Variants in SOX17 observed in about 807,000 individuals in gnomAD.
SOX17 encodes the protein transcription factor SOX-17.
SOX17 carries 4 observed loss-of-function variants against 16.0 expected under a neutral mutation model. The ratio of observed to expected loss-of-function variants is 0.25; its 90% CI spans 0.12 to 0.57. The LOEUF (loss-of-function observed/expected upper bound fraction) is 0.57. Among genes scored for constraint, SOX17 ranks in the 20% least tolerant of loss-of-function variants. SOX17 has a pLI of 0.92. For synonymous variants in SOX17, 357 were observed against 284.6 expected, an observed-to-expected ratio of 1.25 and a Z score of -2.56; for missense variants, 633 against 609.7, an observed-to-expected ratio of 1.04 and a Z score of -0.40.
In SOX17 at chr8:54,459,888, CA is replaced by C; in HGVS notation, c.1139del (p.Gln380ArgfsTer7). 1 of 1,613,928 alleles carries C rather than the reference CA, an allele frequency of 6.2e-7. No individual in the cohort carries two copies. The highest frequency in any genetic ancestry group is 8.5e-7 in the Non-Finnish European group (1 of 1,180,042). On this transcript the variant is annotated frameshift_variant, in exon 2 of 2. Transcript: ENST00000297316. LOFTEE classifies it high-confidence loss of function. ...CAAGCCTGAGATGGGCCTCCCCTAC[CA>C]GGGGCATGACTCCGGTGTGAATCTC... ...VCKPEMGLPY[Q>X]GHDSGVNLPD...
In SOX17 at chr8:54,460,659, G is replaced by T. The variant is rs908925179; in HGVS notation, c.*664G>T. On this transcript the variant is annotated 3_prime_UTR_variant, in exon 2 of 2. Coordinates refer to ENST00000297316, the MANE Select transcript of SOX17 (RefSeq NM_022454.4). ...TTCCAGTATATCACTTTAAGTAGAA[G>T]GGGATGTCCAAGTAATTTTGGTTTT... 8 of 230,698 alleles carry T rather than the reference G, an allele frequency of 3.5e-5. No individual in the cohort carries two copies. Among genetic ancestry groups the T allele is most frequent in the African/African-American group, 1.8e-4 (8 of 45,184 alleles). The allele number at this position is 230,698 out of a possible 1,614,324, so 14.3% of individuals were successfully genotyped here. A position where few individuals can be genotyped will look rare whatever the true frequency, so the allele number is the denominator to read the frequency against.
chr8:54,460,670 A>G lies in SOX17; in HGVS notation c.*675A>G, dbSNP rs1804728709. ...CACTTTAAGTAGAAGGGGATGTCCAAGTAATTTTGGTTTTCTAACTGTTGA... is the reference window on the plus strand; with the variant it reads ...CACTTTAAGTAGAAGGGGATGTCCAGGTAATTTTGGTTTTCTAACTGTTGA... On this transcript the variant is annotated 3_prime_UTR_variant, in exon 2 of 2. Transcript: ENST00000297316. 1 of 230,036 alleles carries G rather than the reference A, an allele frequency of 4.3e-6. No homozygotes were observed. The highest frequency in any genetic ancestry group is 1.8e-4 in the South Asian group (1 of 5,520). 14.2% of individuals were successfully genotyped at this position (230,036 alleles called of 1,614,324 possible).
In SOX17 at chr8:54,459,468, C is replaced by A; in HGVS notation, c.718C>A (p.Pro240Thr). 1 of 1,522,808 alleles carries A rather than the reference C, an allele frequency of 6.6e-7. No individual in the cohort carries two copies. The highest frequency in any genetic ancestry group is 8.8e-7 in the Non-Finnish European group (1 of 1,141,926). The allele number at this position is 1,522,808 out of a possible 1,614,324, so 94.3% of individuals were successfully genotyped here. ...VDPDPAFFAA[P>T]MPGDCPAAGT... The stretch of plus-strand genomic sequence containing the variant: ...CCCCGACCCGGCTTTCTTCGCCGCC[C>A]CGATGCCCGGGGACTGCCCGGCGGC... Residue 240 changes from proline (P) to threonine (T), a missense_variant, in exon 2 of 2, where the codon CCG becomes ACG. Pro to Thr is a conservative substitution (Grantham distance 38). Coordinates refer to ENST00000297316, the MANE Select transcript of SOX17 (RefSeq NM_022454.4).
chr8:54,458,076 C>A lies in SOX17; in HGVS notation c.-63C>A, dbSNP rs543674178. 33 of 1,424,202 alleles carry A rather than the reference C, an allele frequency of 2.3e-5. No individual in the cohort carries two copies. The African/African-American group carries it at 4.5e-4, about 19-fold the overall frequency. 88.2% of individuals were successfully genotyped at this position (1,424,202 alleles called of 1,614,324 possible). A position where few individuals can be genotyped will look rare whatever the true frequency, so the allele number is the denominator to read the frequency against. On this transcript the variant is annotated 5_prime_UTR_variant, in exon 1 of 2. Coordinates refer to ENST00000297316, the MANE Select transcript of SOX17 (RefSeq NM_022454.4). ...GTGCCTCACTCCCCACCCCCTCCCC[C>A]GGGTCGGGGGAGGCGGCGCGTCCGG... is the stretch of plus-strand genomic sequence containing the variant.
rs775435344 is a variant in SOX17, at chr8:54,459,432, G to T, written c.682G>T (p.Asp228Tyr). The change falls in exon 2 of 2, where the codon GAC (aspartate) becomes TAC (tyrosine). Residue 228 changes from aspartate to tyrosine, a missense_variant. Physicochemically the swap from Asp to Tyr is radical, Grantham distance 160 (BLOSUM62 -3). Around this residue, in one of 5 missense-constraint regions of SOX17, gnomAD observed 479 missense variants for 397.2 expected, o/e 1.21. Transcript: ENST00000297316. ...GCCCACGCCCGACACGTCCCCGCTG[G>T]ACGGCGTGGACCCCGACCCGGCTTT... ...PLPTPDTSPL[D>Y]GVDPDPAFFA... The T allele has an allele frequency of 1.3e-6, 2 of 1,528,876 alleles. No individual in the cohort carries two copies. Among genetic ancestry groups the T allele is most frequent in the Non-Finnish European group, 1.7e-6 (2 of 1,146,090 alleles). 94.7% of individuals were successfully genotyped at this position (1,528,876 alleles called of 1,614,324 possible).
Position 54,460,010 on chromosome 8 carries a change from G to T in SOX17, c.*15G>T. 3 of 1,612,934 alleles carry T rather than the reference G, an allele frequency of 1.9e-6. No individual in the cohort carries two copies. The highest frequency in any genetic ancestry group is 2.2e-5 in the East Asian group (1 of 44,884). On this transcript the variant is annotated 3_prime_UTR_variant, in exon 2 of 2. Transcript: ENST00000297316. ...CTGACGTGTGACAGGTCCCTGATCCGCCCCAGCCTGCAGGCCAGAAGCAGT... is the reference window on the plus strand; with the variant it reads ...CTGACGTGTGACAGGTCCCTGATCCTCCCCAGCCTGCAGGCCAGAAGCAGT...
Position 54,460,571 on chromosome 8 carries a change from C to G in SOX17, c.*576C>G. ...TGTTTCAGGAAGGAAAAAAGAAAAG[C>G]ATTCTGGAATGAGCCTACTTCAAGT... On this transcript the variant is annotated 3_prime_UTR_variant, in exon 2 of 2. Coordinates refer to ENST00000297316, the MANE Select transcript of SOX17 (RefSeq NM_022454.4). 4.3e-6 allele frequency: 1 copy of G among 234,514 alleles called. No individual in the cohort carries two copies. The highest frequency in any genetic ancestry group is 8.4e-6 in the Non-Finnish European group (1 of 119,060). The allele number at this position is 234,514 out of a possible 1,614,324, so 14.5% of individuals were successfully genotyped here.
In SOX17 at chr8:54,457,993, C is replaced by T. The variant is rs1325037833; in HGVS notation, c.-146C>T. The stretch of plus-strand genomic sequence containing the variant: ...ACGCTGTAGACCAGACCGCGACAGG[C>T]CAGAACACGGGCGGCGGCTTCGGGC... On this transcript the variant is annotated 5_prime_UTR_variant, in exon 1 of 2. Transcript: ENST00000297316. 1 of 1,006,192 alleles carries T rather than the reference C, an allele frequency of 9.9e-7. No individual in the cohort carries two copies. The highest frequency in any genetic ancestry group is 1.4e-6 in the Non-Finnish European group (1 of 725,930). The allele number at this position is 1,006,192 out of a possible 1,614,324, so 62.3% of individuals were successfully genotyped here. A position where few individuals can be genotyped will look rare whatever the true frequency, so the allele number is the denominator to read the frequency against.
rs542842469 is a variant in SOX17 at position 54,459,044 on chromosome 8, C to T, written c.308-14C>T. On this transcript the variant is annotated splice_polypyrimidine_tract_variant and intron_variant, in intron 1 of 1. Coordinates refer to ENST00000297316, the MANE Select transcript of SOX17 (RefSeq NM_022454.4). Reference sequence around the variant, plus strand: ...AAGCCCTGCGCCCCTCTCCCCCTTCCTTCCACTGTGCAGGCAAGTCGTGGA... The same window carrying T: ...AAGCCCTGCGCCCCTCTCCCCCTTCTTTCCACTGTGCAGGCAAGTCGTGGA... 10 of 1,590,922 alleles carry T rather than the reference C, an allele frequency of 6.3e-6. No individual in the cohort carries two copies. In the East Asian group the frequency reaches 7.0e-5, roughly 11 times the overall value.
intron 1 of SOX17, 28 bp from the exon 2 acceptor site, chr8:54,459,030 C>T (rs1804685858): frequency 1.3e-6 from 2 of 1,563,030 alleles, no homozygotes; most frequent in Non-Finnish European, 1.7e-6. Flanking sequence ...AGCCCTGCGC[C>T]CCTCTCCCCC....
At position 54,458,403 on chromosome 8, in the gene SOX17, C is replaced by G; in HGVS notation, c.265C>G (p.Gln89Glu). The change falls in exon 1 of 2, where the codon CAG becomes GAG. Residue 89 changes from glutamine to glutamate, a missense_variant. Transcript: ENST00000297316. Reference sequence around the variant, plus strand: ...GGACGAGCGCAAGCGGCTGGCGCAGCAGAATCCAGACCTGCACAACGCCGA... The same window carrying G: ...GGACGAGCGCAAGCGGCTGGCGCAGGAGAATCCAGACCTGCACAACGCCGA... The part of the protein sequence containing the change: ...AKDERKRLAQ[Q>E]NPDLHNAELS... 1 of 1,612,776 alleles carries G rather than the reference C, an allele frequency of 6.2e-7. No homozygotes were observed. Among genetic ancestry groups the G allele is most frequent in the Non-Finnish European group, 8.5e-7 (1 of 1,179,912 alleles).
chr8:54,458,454 G>T lies in SOX17; in HGVS notation c.307+9G>T. On this transcript the variant is annotated intron_variant, in intron 1 of 1. Transcript: ENST00000297316. Reference sequence around the variant, plus strand: ...GTTGAGCAAGATGCTGGGTGAGTCCGAGTCGCAGACCCAGGCGGCCGGGCG... The same window carrying T: ...GTTGAGCAAGATGCTGGGTGAGTCCTAGTCGCAGACCCAGGCGGCCGGGCG... 6.2e-7 allele frequency: 1 copy of T among 1,612,604 alleles called. No individual in the cohort carries two copies. Among genetic ancestry groups the T allele is most frequent in the Non-Finnish European group, 8.5e-7 (1 of 1,179,864 alleles).
Position 54,459,500 on chromosome 8 carries a change from C to G in SOX17, c.750C>G (p.Thr250=), listed in dbSNP as rs1161632509. 6.5e-7 allele frequency: 1 copy of G among 1,527,360 alleles called. No homozygotes were observed. 94.6% of individuals were successfully genotyped at this position (1,527,360 alleles called of 1,614,324 possible). The change falls in exon 2 of 2, where the codon ACC becomes ACG. Residue 250 remains threonine, a synonymous_variant. Coordinates refer to ENST00000297316, the MANE Select transcript of SOX17 (RefSeq NM_022454.4). ...CCGGGGACTGCCCGGCGGCCGGCAC[C>G]TACAGCTACGCGCAGGTCTCGGACT... is the stretch of plus-strand genomic sequence containing the variant. ...PMPGDCPAAG[T]YSYAQVSDYA... is the part of the protein sequence containing the mutation.
At position 54,460,756 on chromosome 8, in the gene SOX17, T is replaced by G. The variant is rs1804729938; in HGVS notation, c.*761T>G. 4.4e-6 allele frequency: 1 copy of G among 228,114 alleles called. No homozygotes were observed. The highest frequency in any genetic ancestry group is 8.7e-6 in the Non-Finnish European group (1 of 114,996). 14.1% of individuals were successfully genotyped at this position (228,114 alleles called of 1,614,324 possible). A position where few individuals can be genotyped will look rare whatever the true frequency, so the allele number is the denominator to read the frequency against. On this transcript the variant is annotated 3_prime_UTR_variant, in exon 2 of 2. Transcript: ENST00000297316. ...ATGTTTTTATCTGTGTTTTGCCATC[T>G]CTTTACACTCCTCGACATTCAGTTT...
Position 54,459,959 on chromosome 8 carries a change from C to T in SOX17, c.1209C>T (p.Ser403=), listed in dbSNP as rs1804716009. Reference sequence around the variant, plus strand: ...TTTCCTCGGTGGTGTCCGACGCCAGCTCCGCGGTATATTACTGCAACTATC... The same window carrying T: ...TTTCCTCGGTGGTGTCCGACGCCAGTTCCGCGGTATATTACTGCAACTATC... ...GAISSVVSDA[S]SAVYYCNYPD... The change falls in exon 2 of 2, where the codon AGC becomes AGT. Residue 403 remains serine, a synonymous_variant. Coordinates refer to ENST00000297316, the MANE Select transcript of SOX17 (RefSeq NM_022454.4). 1 of 1,613,822 alleles carries T rather than the reference C, an allele frequency of 6.2e-7. No homozygotes were observed. The highest frequency in any genetic ancestry group is 1.1e-5 in the South Asian group (1 of 91,088).
At position 54,459,902 on chromosome 8, in the gene SOX17, C is replaced by A; in HGVS notation, c.1152C>A (p.Ser384=). The part of the protein sequence containing the change: ...EMGLPYQGHD[S]GVNLPDSHGA... ...GCCTCCCCTACCAGGGGCATGACTC[C>A]GGTGTGAATCTCCCCGACAGCCACG... The change falls in exon 2 of 2, where the codon TCC becomes TCA. Residue 384 remains serine, a synonymous_variant. Transcript: ENST00000297316. 2 of 1,613,910 alleles carry A rather than the reference C, an allele frequency of 1.2e-6. No homozygotes were observed. Among genetic ancestry groups the A allele is most frequent in the Non-Finnish European group, 1.7e-6 (2 of 1,180,046 alleles).
At chr8:54,458,553 G>A in intron 1 of SOX17, 108 bp downstream of exon 1, 3 of 1,331,444 alleles carry the variant, frequency 2.3e-6, no homozygotes, top group Middle Eastern at 4.4e-4. Context: ...CAAAACCAGG[G>A]GTGTGTAGCG....
rs1350184755 is a variant in SOX17 at position 54,460,156 on chromosome 8, C to T, written c.*161C>T. 1 of 750,832 alleles carries T rather than the reference C, an allele frequency of 1.3e-6. No individual in the cohort carries two copies. The highest frequency in any genetic ancestry group is 1.7e-5 in the South Asian group (1 of 58,394). The allele number at this position is 750,832 out of a possible 1,614,324, so 46.5% of individuals were successfully genotyped here. A position where few individuals can be genotyped will look rare whatever the true frequency, so the allele number is the denominator to read the frequency against. On this transcript the variant is annotated 3_prime_UTR_variant, in exon 2 of 2. Coordinates refer to ENST00000297316, the MANE Select transcript of SOX17 (RefSeq NM_022454.4). ...TTATGGTAATTTATTTTGTCTGCCA[C>T]TTGAACAGTTTGGGGGGGTGAGGTT...
Position 54,459,658 on chromosome 8 carries a change from C to T in SOX17, c.908C>T (p.Pro303Leu). 6.5e-7 allele frequency: 1 copy of T among 1,536,446 alleles called. No homozygotes were observed. Among genetic ancestry groups the T allele is most frequent in the Non-Finnish European group, 8.7e-7 (1 of 1,145,880 alleles). Residue 303 changes from proline to leucine, a missense_variant, in exon 2 of 2, where the codon CCC becomes CTC. By Grantham distance (98) the Pro-to-Leu change is moderately conservative. Coordinates refer to ENST00000297316, the MANE Select transcript of SOX17 (RefSeq NM_022454.4). The part of the protein sequence containing the change: ...LHVYYGAMGS[P>L]GAGGGRGFQM... ...GTGTACTACGGCGCGATGGGCTCGC[C>T]CGGGGCGGGCGGCGGGCGCGGCTTC...
Sources: allele counts gnomAD v4.1 joint callset, GRCh38; gene constraint gnomAD v4.1.1; regional missense constraint gnomAD v4.1.1; transcripts MANE v1.5; gene names NCBI Gene and HGNC (gene_info 2026-07-23, HGNC 2026-07-21).